CLSTN1: variants seen among roughly 807,000 people sequenced by gnomAD.
CLSTN1 encodes the protein calsyntenin-1.
CLSTN1 carries 28 observed loss-of-function variants against 108.3 expected under a neutral mutation model. The observed-to-expected ratio is 0.26, with a 90% CI of 0.19 to 0.35. The LOEUF is 0.35. Among genes scored for constraint, CLSTN1 ranks in the 10% least tolerant of loss-of-function variants. The pLI is 1.00. For synonymous variants in CLSTN1, 524 were observed against 534.9 expected, an observed-to-expected ratio of 0.98 and a Z score of 0.28; for missense variants, 1,157 against 1,302.6, an observed-to-expected ratio of 0.89 and a Z score of 1.72.
At chr1:9,807,270 C>G (rs1225127702) in intron 1 of CLSTN1, among the ~76,000 whole-genome samples, 1 of 152,140 alleles carries the variant, frequency 6.6e-6, no homozygotes, top group Non-Finnish European at 1.5e-5. Flanking sequence ...AGACCCATCT[C>G]TCATCCTAGA....
intron 17 of CLSTN1, 87 bp from the exon 18 acceptor site, chr1:9,731,477 AACGGGCTGG>A: frequency 7.1e-7 from 1 of 1,401,116 alleles, no homozygotes; most frequent in Non-Finnish European, 9.9e-7. Context: ...GCCTGGTCAA[AACGGGCTGG>A]ACAGCACGCT....
chr1:9,738,418 T>C (rs1272887266), intron 10 of CLSTN1, among the ~76,000 whole-genome samples: 1 of 152,156 alleles, frequency 6.6e-6, no homozygotes, highest in Non-Finnish European at 1.5e-5. Context: ...TGTGCGGGGC[T>C]GCATCAAGGG....
chr1:9,791,875 C>T (rs901947028), intron 1 of CLSTN1, among the ~76,000 whole-genome samples: 1 of 151,218 alleles, frequency 6.6e-6, no homozygotes, highest in East Asian at 2.0e-4. Flanking sequence ...CTGGCCGGGC[C>T]CAGTGGCTCA....
chr1:9,745,931 G>C (rs572147820), intron 7 of CLSTN1, among the ~76,000 whole-genome samples: 2 of 151,850 alleles, frequency 1.3e-5, no homozygotes, highest in African/African-American at 4.8e-5. Context: ...ACCATGCCCG[G>C]CTAATTTTTG....
intron 10 of CLSTN1, among the ~76,000 whole-genome samples, chr1:9,740,723 G>A (rs1225266075): frequency 1.3e-5 from 2 of 152,148 alleles, no homozygotes; most frequent in Non-Finnish European, 2.9e-5. Context: ...CTACTTCTGC[G>A]TCCTTTATTT....
At chr1:9,755,080 T>G in intron 4 of CLSTN1, 34 bp downstream of exon 4, 1 of 1,577,142 alleles carries the variant, frequency 6.3e-7, no homozygotes, top group Non-Finnish European at 8.7e-7. Context: ...GTTTACTCGG[T>G]GGGTTATGTT....
intron 1 of CLSTN1, among the ~76,000 whole-genome samples, chr1:9,794,237 G>T (rs144391067): frequency 1.8e-4 from 27 of 151,584 alleles, no homozygotes; most frequent in Non-Finnish European, 2.8e-4. Flanking sequence ...TAAATACACA[G>T]CACCAGGGGA....
rs1183689503 is a variant in CLSTN1, at chr1:9,730,678, C to T, written c.2776G>A (p.Glu926Lys). Residue 926 changes from glutamate (E) to lysine (K), a missense_variant, in exon 19 of 19, where the codon GAG becomes AAG. By Grantham distance (56) the Glu-to-Lys change is moderately conservative (BLOSUM62 1). Coordinates refer to ENST00000377298, the MANE Select transcript of CLSTN1 (RefSeq NM_001009566.3). The surrounding 1 kb of genome is among the most constrained non-coding windows in gnomAD (Gnocchi z 5.6). ...ETYEDQHSSE[E>K]EEEEEEEEES... The stretch of plus-strand genomic sequence containing the variant: ...TCTTCCTCTTCCTCTTCCTCCTCCT[C>T]CTCACTGCTGTGCTGGTCCTCATAG... 1 of 1,609,160 alleles carries T rather than the reference C, an allele frequency of 6.2e-7. No homozygotes were observed. Among genetic ancestry groups the T allele is most frequent in the East Asian group, 2.2e-5 (1 of 44,820 alleles).
chr1:9,804,925 C>T (rs1463421477), intron 1 of CLSTN1, among the ~76,000 whole-genome samples: 1 of 152,072 alleles, frequency 6.6e-6, no homozygotes, highest in Non-Finnish European at 1.5e-5. Context: ...AGTTCCAGAA[C>T]AGCCTAGCTA....
At chr1:9,790,461 T>C (rs1200194214) in intron 1 of CLSTN1, among the ~76,000 whole-genome samples, 1 of 151,458 alleles carries the variant, frequency 6.6e-6, no homozygotes, top group Non-Finnish European at 1.5e-5. Flanking sequence ...AACAGTCTTA[T>C]GTATGTGGAC....
chr1:9,788,934 A>G (rs1653631597), intron 1 of CLSTN1, among the ~76,000 whole-genome samples: 1 of 150,830 alleles, frequency 6.6e-6, no homozygotes, highest in African/African-American at 2.4e-5. Context: ...GTGGGATCAC[A>G]CCACACTTAT....
At chr1:9,769,197 T>C (rs936931695) in intron 2 of CLSTN1, among the ~76,000 whole-genome samples, 2 of 151,548 alleles carry the variant, frequency 1.3e-5, no homozygotes, top group African/African-American at 2.4e-5. Flanking sequence ...GGGATACGGC[T>C]GCAGGTCAGG....
At chr1:9,810,723 C>T (rs1256415725) in intron 1 of CLSTN1, among the ~76,000 whole-genome samples, 2 of 151,876 alleles carry the variant, frequency 1.3e-5, no homozygotes, top group East Asian at 1.9e-4. Context: ...TGCAGTGAGC[C>T]GAGATTGCGC....
At chr1:9,753,819 T>TA (rs1651678652) in intron 4 of CLSTN1, among the ~76,000 whole-genome samples, 1 of 149,378 alleles carries the variant, frequency 6.7e-6, no homozygotes, top group South Asian at 2.1e-4. Flanking sequence ...TTTTTGTTGT[T>TA]ATTGTTTTTT....
At chr1:9,821,047 T>C (rs1356807428) in intron 1 of CLSTN1, among the ~76,000 whole-genome samples, 1 of 152,240 alleles carries the variant, frequency 6.6e-6, no homozygotes, top group Non-Finnish European at 1.5e-5. Flanking sequence ...TTCACTGTTC[T>C]ATTTCCCGAT....
At chr1:9,790,458 T>C (rs1343335219) in intron 1 of CLSTN1, among the ~76,000 whole-genome samples, 2 of 151,322 alleles carry the variant, frequency 1.3e-5, no homozygotes, top group Non-Finnish European at 1.5e-5. Context: ...TGAAACAGTC[T>C]TATGTATGTG....
chr1:9,819,773 G>A (rs1467837849), intron 1 of CLSTN1, among the ~76,000 whole-genome samples: 2 of 152,108 alleles, frequency 1.3e-5, no homozygotes, highest in Admixed American at 1.3e-4. Flanking sequence ...AGAAATAAAT[G>A]TTATTTACTT....
intron 16 of CLSTN1, 150 bp from the exon 17 acceptor site, chr1:9,732,046 A>AG (rs2101072540): frequency 3.5e-6 from 2 of 573,538 alleles, no homozygotes; most frequent in South Asian, 2.6e-5. Context: ...GGAAAAGGAC[A>AG]GAAAAAAAAA....
chr1:9,754,142 C>A (rs1283948369), intron 4 of CLSTN1, among the ~76,000 whole-genome samples: 1 of 152,156 alleles, frequency 6.6e-6, no homozygotes, highest in Non-Finnish European at 1.5e-5. Flanking sequence ...GGAATTACAG[C>A]AAAAGATAAA....
Sources: gnomAD v4.1 joint callset for allele counts (sites outside exome capture counted in the v4.1 genomes callset) on GRCh38, gnomAD v4.1.1 for gene constraint, Gnocchi (gnomAD v3.1) non-coding constraint, MANE v1.5 for transcripts, NCBI Gene and HGNC (gene_info 2026-07-23, HGNC 2026-07-21) for gene names.